FBXO34: variants seen among roughly 807,000 people sequenced by gnomAD.
FBXO34 encodes the protein F-box protein 34, also known as F-box only protein 34.
A neutral mutation model predicts 24.5 loss-of-function variants in FBXO34; 12 were observed. The observed-to-expected ratio is 0.49, with a 90% CI of 0.31 to 0.79. The LOEUF (loss-of-function observed/expected upper bound fraction) is 0.79, where lower values mean the gene tolerates loss of function less well. FBXO34 is among the 30% of genes least tolerant of loss of function. The probability of loss-of-function intolerance (pLI) is 0.04; values close to 1 mark genes in which losing one functional copy is unlikely to be tolerated. For synonymous variants in FBXO34, 320 were observed against 311.9 expected (o/e 1.03, Z -0.27); for missense variants, 823 against 857.7 (o/e 0.96, Z 0.51).
chr14:55,322,524 C>T (rs975828177), intron 1 of FBXO34, among the ~76,000 whole-genome samples: 3 of 152,090 alleles, frequency 2.0e-5, no homozygotes, highest in South Asian at 2.1e-4. Context: ...TTTGATGAGA[C>T]GGGGTCTCGC....
downstream of FBXO34, among the ~76,000 whole-genome samples, chr14:55,357,107 G>GTC (rs1884533852): frequency 6.6e-6 from 1 of 152,206 alleles, no homozygotes; most frequent in Non-Finnish European, 1.5e-5. Context: ...GGCCATAGCT[G>GTC]ATGTTTGCAC....
intron 1 of FBXO34, among the ~76,000 whole-genome samples, chr14:55,300,611 G>A (rs572741056): frequency 9.9e-5 from 15 of 152,210 alleles, no homozygotes; most frequent in South Asian, 8.3e-4. Flanking sequence ...AAGAAACCAC[G>A]TTATTTGTTC....
At chr14:55,369,307 C>T (rs1280129277), downstream of FBXO34, 1 of 213,354 alleles carries the variant, frequency 4.7e-6, no homozygotes, top group Non-Finnish European at 9.2e-6. Context: ...TGGCCCGGGC[C>T]CAGAGGGAAC....
At position 55,352,702 on chromosome 14, in the gene FBXO34, G is replaced by A; in HGVS notation, c.*176G>A. On this transcript the variant is annotated 3_prime_UTR_variant, in exon 2 of 2. Coordinates refer to ENST00000313833, the MANE Select transcript of FBXO34 (RefSeq NM_017943.4). The stretch of plus-strand genomic sequence containing the variant: ...AATTTACGAGCTGTACAAAAAAATT[G>A]GTCTTGTTGTTTATAGTGGCATCTC... The A allele has an allele frequency of 1.6e-6, 1 of 616,658 alleles. No individual in the cohort carries two copies. Among genetic ancestry groups the A allele is most frequent in the Non-Finnish European group, 2.7e-6 (1 of 369,744 alleles). 38.2% of individuals were successfully genotyped at this position (616,658 alleles called of 1,614,324 possible). A position where few individuals can be genotyped will look rare whatever the true frequency, so the allele number is the denominator to read the frequency against.
chr14:55,293,626 G>A (rs1882020946), intron 1 of FBXO34, among the ~76,000 whole-genome samples: 1 of 151,638 alleles, frequency 6.6e-6, no homozygotes, highest in African/African-American at 2.4e-5. Context: ...ATCAATGAAG[G>A]CTTAATAAGC....
intron 1 of FBXO34, among the ~76,000 whole-genome samples, chr14:55,343,939 T>G (rs1308341895): frequency 6.6e-6 from 1 of 152,352 alleles, no homozygotes; most frequent in East Asian, 1.9e-4. Context: ...ATACTGTCTT[T>G]AGGTGAGAGT....
the FBXO34 span, chr14:55,385,784 A>G: frequency 4.2e-5 from 53 of 1,249,992 alleles, no homozygotes; most frequent in South Asian, 6.5e-4. Context: ...GACCCAATAA[A>G]TAAGGTAATG....
the FBXO34 span, among the ~76,000 whole-genome samples, chr14:55,402,955 ATATATATATAT>A: frequency 7.7e-5 from 6 of 77,930 alleles, no homozygotes; most frequent in Non-Finnish European, 1.3e-4. Flanking sequence ...ATATATATAT[ATATATATATAT>A]ATAAATAGCT....
At chr14:55,344,227 C>T (rs976362935) in intron 1 of FBXO34, among the ~76,000 whole-genome samples, 2 of 152,138 alleles carry the variant, frequency 1.3e-5, no homozygotes, top group Non-Finnish European at 2.9e-5. Flanking sequence ...GTCCACTGTA[C>T]TTCCTCACAG....
At chr14:55,274,933 T>C (rs2139621025) in intron 1 of FBXO34, among the ~76,000 whole-genome samples, 1 of 152,274 alleles carries the variant, frequency 6.6e-6, no homozygotes, top group South Asian at 2.1e-4. Flanking sequence ...AAAGGCAAAA[T>C]TCAGCAAGTG....
chr14:55,419,732 C>A, the FBXO34 span, among the ~76,000 whole-genome samples: 1 of 152,194 alleles, frequency 6.6e-6, no homozygotes, highest in South Asian at 2.1e-4. Context: ...CAAAGACCTG[C>A]AAATGGCATG....
the FBXO34 span, among the ~76,000 whole-genome samples, chr14:55,412,842 T>C: frequency 6.6e-6 from 1 of 152,198 alleles, no homozygotes; most frequent in Non-Finnish European, 1.5e-5. Context: ...GGAAACTGAC[T>C]TCTGCCTCCC....
chr14:55,389,846 A>C, the FBXO34 span, among the ~76,000 whole-genome samples: 1 of 152,228 alleles, frequency 6.6e-6, no homozygotes, highest in African/African-American at 2.4e-5. Flanking sequence ...GAAGTGGCTT[A>C]AGGATGTAGG....
downstream of FBXO34, among the ~76,000 whole-genome samples, chr14:55,372,286 C>G (rs906618032): frequency 7.0e-6 from 1 of 142,954 alleles, no homozygotes; most frequent in Non-Finnish European, 1.6e-5. Context: ...CACCATATCA[C>G]CACCACTTTC....
chr14:55,312,456 C>T (rs2139748972), intron 1 of FBXO34, among the ~76,000 whole-genome samples: 1 of 152,278 alleles, frequency 6.6e-6, no homozygotes, highest in South Asian at 2.1e-4. Context: ...CTTCTCACAG[C>T]TCAACTAGGC....
At chr14:55,360,325 G>A (rs1431301797) in intron 3 of FBXO34, among the ~76,000 whole-genome samples, 2 of 152,032 alleles carry the variant, frequency 1.3e-5, no homozygotes, top group Admixed American at 6.6e-5. Context: ...TGCCCGCCTC[G>A]GCCTCCCAAA....
chr14:55,364,800 A>C (rs1330369094), downstream of FBXO34, among the ~76,000 whole-genome samples: 1 of 149,954 alleles, frequency 6.7e-6, no homozygotes. Context: ...ACAGTGGTGC[A>C]ATCACAGCTC....
rs148136818 is a variant in FBXO34 at position 55,316,313 on chromosome 14, G to A, written c.-10-34068G>A. On this transcript the variant is annotated intron_variant, in intron 1 of 1. Transcript: ENST00000313833. ...TAAACAATTCCACTACAGGCTGGGT[G>A]CAGTGGCTCACACCTGTAATCCCAG... Among the ~76,000 whole-genome samples the A allele has an allele frequency of 3.0e-3, 461 of 152,114 alleles. 6 individuals are homozygous for A. Among genetic ancestry groups the A allele is most frequent in the African/African-American group, 0.011 (449 of 41,486 alleles).
At chr14:55,296,400 T>TTTTTTTG (rs1882132079) in intron 1 of FBXO34, among the ~76,000 whole-genome samples, 1 of 133,602 alleles carries the variant, frequency 7.5e-6, no homozygotes, top group African/African-American at 2.9e-5. Context: ...TGTTTTTTTT[T>TTTTTTTG]TTTTTTTTTT....
Sources: gnomAD v4.1 joint callset for allele counts (sites outside exome capture counted in the v4.1 genomes callset) on GRCh38, gnomAD v4.1.1 for gene constraint, MANE v1.5 for transcripts, NCBI Gene and HGNC (gene_info 2026-07-23, HGNC 2026-07-21) for gene names.